The following FAH variants were observed in gnomAD, a reference collection of about 807,000 sequenced individuals.
The protein encoded by FAH is fumarylacetoacetase.
In FAH, 47 loss-of-function variants were observed where a neutral mutation model predicts 55.8. That is an observed-to-expected ratio of 0.84 (90% CI 0.67 to 1.07). The LOEUF (loss-of-function observed/expected upper bound fraction) is 1.07, where lower values mean the gene tolerates loss of function less well. Ranked by LOEUF, FAH falls within the 50% of genes least tolerant of loss-of-function variation. FAH has a pLI of 0.00. For synonymous variants in FAH, 199 were observed against 207.7 expected, an observed-to-expected ratio of 0.96 and a Z score of 0.36; for missense variants, 495 against 545.9, an observed-to-expected ratio of 0.91 and a Z score of 0.93.
rs773026707 is a variant in FAH at position 80,177,589 on chromosome 15, C to A, written c.960+6C>A. The A allele has an allele frequency of 6.2e-7, 1 of 1,612,500 alleles. No individual in the cohort carries two copies. Among genetic ancestry groups the A allele is most frequent in the Non-Finnish European group, 8.5e-7 (1 of 1,178,476 alleles). On this transcript the variant is annotated splice_donor_region_variant and intron_variant, in intron 11 of 13. Transcript: ENST00000561421. ...TATGCAAGTCCAATTTTAAGGTAAG[C>A]TTTGACGCTGATCAGACTGCTTTTT...
At chr15:80,168,634 G>A (rs1261898287) in intron 7 of FAH, among the ~76,000 whole-genome samples, 1 of 152,236 alleles carries the variant, frequency 6.6e-6, no homozygotes, top group Non-Finnish European at 1.5e-5. Context: ...GTTCCTAGGT[G>A]AGGCTGGACA....
At chr15:80,179,671 G>A (rs947853584) in intron 11 of FAH, among the ~76,000 whole-genome samples, 1 of 152,212 alleles carries the variant, frequency 6.6e-6, no homozygotes, top group African/African-American at 2.4e-5. Context: ...CCCAAGGCCC[G>A]GCATGGGAGA....
At chr15:80,159,252 T>G (rs2142091612) in intron 2 of FAH, among the ~76,000 whole-genome samples, 1 of 152,010 alleles carries the variant, frequency 6.6e-6, no homozygotes, top group East Asian at 1.9e-4. Context: ...CTTTTTTTTT[T>G]TAATAGAGAT....
At chr15:80,185,007 G>A (rs1044744708) in intron 13 of FAH, among the ~76,000 whole-genome samples, 2 of 152,180 alleles carry the variant, frequency 1.3e-5, no homozygotes, top group Non-Finnish European at 2.9e-5. Context: ...CTCAAGGGCA[G>A]AGATGGGCTT....
At chr15:80,175,547 T>G (rs2041275813) in intron 10 of FAH, among the ~76,000 whole-genome samples, 1 of 152,012 alleles carries the variant, frequency 6.6e-6, no homozygotes, top group African/African-American at 2.4e-5. Context: ...GACCCCAGAT[T>G]CCCACCATGG....
At chr15:80,185,301 T>G (rs1480376366) in intron 13 of FAH, among the ~76,000 whole-genome samples, 1 of 152,154 alleles carries the variant, frequency 6.6e-6, no homozygotes, top group Non-Finnish European at 1.5e-5. Flanking sequence ...ATGCATTTGC[T>G]CCCATCATCC....
intron 10 of FAH, among the ~76,000 whole-genome samples, chr15:80,177,130 A>G (rs747768011): frequency 3.3e-5 from 5 of 152,240 alleles, no homozygotes; most frequent in Admixed American, 1.3e-4. Flanking sequence ...GGCAGGGGAC[A>G]GATGACCCAG....
rs772417869 is a variant in FAH at position 80,174,976 on chromosome 15, C to T, written c.838-40C>T. 4.8e-5 allele frequency: 77 copies of T among 1,597,616 alleles called. No homozygotes were observed. In the Middle Eastern group the frequency reaches 1.3e-3, roughly 28 times the overall value. On this transcript the variant is annotated intron_variant, in intron 9 of 13. Transcript: ENST00000561421. Reference sequence around the variant, plus strand: ...GGGGCCCAGCCGGGTGAGCTCAGCCCACCTGCCAGTGACCTCTGTGCTGTG... The same window carrying T: ...GGGGCCCAGCCGGGTGAGCTCAGCCTACCTGCCAGTGACCTCTGTGCTGTG...
At chr15:80,163,329 A>G (rs1290984433) in intron 5 of FAH, 1 of 152,344 alleles carries the variant, frequency 6.6e-6, no homozygotes, top group African/African-American at 2.4e-5. Context: ...GTCCCCAGCC[A>G]GCTTCAACTT....
At chr15:80,177,692 C>A in intron 11 of FAH, 109 bp downstream of exon 11, 1 of 1,060,318 alleles carries the variant, frequency 9.4e-7, no homozygotes, top group South Asian at 1.3e-5. Flanking sequence ...GATGATGGGT[C>A]AGCCTGTGGG....
In FAH at chr15:80,153,141, C is replaced by T. The variant is rs771218632; in HGVS notation, c.81+6C>T. 7 of 1,595,226 alleles carry T rather than the reference C, an allele frequency of 4.4e-6. No homozygotes were observed. Among genetic ancestry groups the T allele is most frequent in the South Asian group, 2.2e-5 (2 of 90,738 alleles). ...TCTTCTCGACCAGAGGCGACGTGAG[C>T]AGTGGGGCTTTGGCGTCCGGGCGCG... On this transcript the variant is annotated splice_donor_region_variant and intron_variant, in intron 1 of 13. Coordinates refer to ENST00000561421, the MANE Select transcript of FAH (RefSeq NM_000137.4).
intron 5 of FAH, 23 bp from the exon 6 acceptor site, chr15:80,168,029 A>C (rs902074247): frequency 3.8e-6 from 6 of 1,595,686 alleles, no homozygotes; most frequent in Non-Finnish European, 5.2e-6. Context: ...GATGCCCTGC[A>C]TTCTCTTGCC....
At chr15:80,160,374 C>G (rs2041137908) in intron 3 of FAH, 36 bp from the exon 4 acceptor site, 3 of 1,611,806 alleles carry the variant, frequency 1.9e-6, no homozygotes, top group East Asian at 2.2e-5. Flanking sequence ...GCTTTGCTGC[C>G]TACTTGACTT....
intron 13 of FAH, among the ~76,000 whole-genome samples, chr15:80,183,614 T>A (rs931342666): frequency 6.6e-6 from 1 of 152,240 alleles, no homozygotes; most frequent in Non-Finnish European, 1.5e-5. Context: ...TATGGCTGCC[T>A]CTCATTTCCC....
At chr15:80,168,543 A>C (rs2041215423) in intron 7 of FAH, 2 of 592,830 alleles carry the variant, frequency 3.4e-6, no homozygotes, top group Non-Finnish European at 6.0e-6. Context: ...TTGTAAGTCC[A>C]GAATTAATAT....
intron 7 of FAH, among the ~76,000 whole-genome samples, chr15:80,169,091 A>T (rs989822403): frequency 2.0e-5 from 3 of 152,194 alleles, no homozygotes; most frequent in African/African-American, 7.2e-5. Flanking sequence ...TTTATAAAAA[A>T]TAATTACCTG....
chr15:80,178,852 T>G (rs1295732964), intron 11 of FAH, among the ~76,000 whole-genome samples: 1 of 152,242 alleles, frequency 6.6e-6, no homozygotes, highest in Non-Finnish European at 1.5e-5. Context: ...CCTCCCAAAG[T>G]GCTGGGATTA....
intron 13 of FAH, among the ~76,000 whole-genome samples, chr15:80,185,696 A>G (rs1190665690): frequency 6.6e-6 from 1 of 152,250 alleles, no homozygotes; most frequent in South Asian, 2.1e-4. Flanking sequence ...GAAACCGCTT[A>G]TAAAAACATC....
Position 80,165,397 on chromosome 15 carries a change from G to A in FAH, c.456-2655G>A, listed in dbSNP as rs1329673623. ...ACAAAAATTTGCTGGTCATGATGGC[G>A]GGTGCCTGTAATTTCAGCTACTTGG... On this transcript the variant is annotated intron_variant, in intron 5 of 13. Coordinates refer to ENST00000561421, the MANE Select transcript of FAH (RefSeq NM_000137.4). Among the ~76,000 whole-genome samples, 7 of 152,252 alleles carry A rather than the reference G, an allele frequency of 4.6e-5. No homozygotes were observed. The East Asian group carries it at 7.7e-4, about 17-fold the overall frequency.
Sources: gnomAD v4.1 joint callset for allele counts (sites outside exome capture counted in the v4.1 genomes callset) on GRCh38, gnomAD v4.1.1 for gene constraint, MANE v1.5 for transcripts, NCBI Gene and HGNC (gene_info 2026-07-23, HGNC 2026-07-21) for gene names.